ST6GALNAC3: variants seen among roughly 807,000 people sequenced by gnomAD.
ST6GALNAC3 encodes the protein ST6 N-acetylgalactosaminide alpha-2,6-sialyltransferase 3.
In ST6GALNAC3, 25 loss-of-function variants were observed where a neutral mutation model predicts 32.7. That is an observed-to-expected ratio of 0.76 (90% CI 0.56 to 1.07). The LOEUF is 1.07. Among genes scored for constraint, ST6GALNAC3 ranks in the 50% least tolerant of loss-of-function variants. The probability of loss-of-function intolerance (pLI) is 0.00; values close to 1 mark genes in which losing one functional copy is unlikely to be tolerated. For missense variants in ST6GALNAC3, 355 were observed against 382.4 expected (o/e 0.93, Z 0.60); for synonymous variants, 129 against 133.1 (o/e 0.97, Z 0.21).
intron 3 of ST6GALNAC3, among the ~76,000 whole-genome samples, chr1:76,445,706 C>A (rs185903261): frequency 5.9e-5 from 9 of 152,164 alleles, no homozygotes; most frequent in Admixed American, 3.9e-4. Context: ...ATCAAAATTT[C>A]TTTGATCTTC....
At chr1:76,115,531 T>C (rs527723691) in intron 1 of ST6GALNAC3, among the ~76,000 whole-genome samples, 4 of 152,346 alleles carry the variant, frequency 2.6e-5, no homozygotes, top group Admixed American at 1.3e-4. Context: ...GATTTTAGGT[T>C]AAAAAGAACC....
chr1:76,476,396 G>A (rs34480345), intron 3 of ST6GALNAC3, among the ~76,000 whole-genome samples: 6,207 of 152,204 alleles, frequency 0.041, 419 homozygotes, highest in African/African-American at 0.14. Context: ...ACTGTAGTTT[G>A]CTGACCCCTG....
At chr1:76,179,918 G>C (rs750064876) in intron 1 of ST6GALNAC3, among the ~76,000 whole-genome samples, 2 of 152,128 alleles carry the variant, frequency 1.3e-5, no homozygotes, top group African/African-American at 4.8e-5. Flanking sequence ...CCTTATTAGA[G>C]TCAGTTTCAG....
At chr1:76,225,605 A>G (rs549624246) in intron 1 of ST6GALNAC3, among the ~76,000 whole-genome samples, 5 of 152,308 alleles carry the variant, frequency 3.3e-5, no homozygotes, top group Admixed American at 6.5e-5. Context: ...CTAACCTGCC[A>G]TATGCTTCAC....
At chr1:76,452,321 C>A (rs1439631753) in intron 3 of ST6GALNAC3, among the ~76,000 whole-genome samples, 4 of 152,138 alleles carry the variant, frequency 2.6e-5, no homozygotes, top group Admixed American at 2.6e-4. Flanking sequence ...GTGAGGCCTC[C>A]CCAGTCATGC....
intron 1 of ST6GALNAC3, among the ~76,000 whole-genome samples, chr1:76,213,581 T>C (rs1284459067): frequency 2.6e-5 from 4 of 152,214 alleles, no homozygotes; most frequent in Non-Finnish European, 4.4e-5. Flanking sequence ...TTCTGTTCTA[T>C]TAAAAACAAA....
At chr1:76,366,287 C>G (rs1280533784) in intron 2 of ST6GALNAC3, among the ~76,000 whole-genome samples, 1 of 152,102 alleles carries the variant, frequency 6.6e-6, no homozygotes, top group Admixed American at 6.6e-5. Flanking sequence ...GAAACCTGAT[C>G]TGACAGACTC....
chr1:76,345,662 A>C (rs1187220931), intron 2 of ST6GALNAC3, among the ~76,000 whole-genome samples: 7 of 152,072 alleles, frequency 4.6e-5, no homozygotes, highest in Non-Finnish European at 8.8e-5. Flanking sequence ...ATTGAAGGCA[A>C]ATTTTGTCAT....
chr1:76,627,962 C>T (rs545791757), intron 4 of ST6GALNAC3, among the ~76,000 whole-genome samples: 28 of 152,004 alleles, frequency 1.8e-4, no homozygotes, highest in Non-Finnish European at 3.8e-4. Flanking sequence ...TGTCCTGCAG[C>T]CTCAGAGAAA....
chr1:76,447,646 AG>A (rs1166863185), intron 3 of ST6GALNAC3, among the ~76,000 whole-genome samples: 1 of 152,064 alleles, frequency 6.6e-6, no homozygotes, highest in Non-Finnish European at 1.5e-5. Flanking sequence ...CGTGTAGCCT[AG>A]GGACATGGTA....
intron 3 of ST6GALNAC3, among the ~76,000 whole-genome samples, chr1:76,504,070 A>C (rs1661333768): frequency 6.6e-6 from 1 of 152,174 alleles, no homozygotes; most frequent in South Asian, 2.1e-4. Context: ...GTGGCTTAAA[A>C]CAACAGAAAT....
intron 3 of ST6GALNAC3, among the ~76,000 whole-genome samples, chr1:76,445,453 C>T (rs1273679793): frequency 6.6e-6 from 1 of 152,094 alleles, no homozygotes; most frequent in African/African-American, 2.4e-5. Flanking sequence ...ACAAATACAT[C>T]ATGTTAAAAC....
At chr1:76,455,783 C>G (rs897459411) in intron 3 of ST6GALNAC3, among the ~76,000 whole-genome samples, 3 of 152,174 alleles carry the variant, frequency 2.0e-5, no homozygotes, top group Non-Finnish European at 2.9e-5. Flanking sequence ...ATCCTGGACT[C>G]TTAGTCTGAC....
At chr1:76,354,575 T>C (rs1649285820) in intron 2 of ST6GALNAC3, among the ~76,000 whole-genome samples, 1 of 152,242 alleles carries the variant, frequency 6.6e-6, no homozygotes, top group African/African-American at 2.4e-5. Context: ...TTTTGTTGAC[T>C]GATGGGTTGG....
At chr1:76,603,605 A>T (rs1249675065) in intron 3 of ST6GALNAC3, among the ~76,000 whole-genome samples, 1 of 152,142 alleles carries the variant, frequency 6.6e-6, no homozygotes, top group Non-Finnish European at 1.5e-5. Context: ...AATAACAGTT[A>T]CTCCTGCCAG....
At chr1:76,590,668 C>T (rs1046849909) in intron 3 of ST6GALNAC3, among the ~76,000 whole-genome samples, 1 of 152,138 alleles carries the variant, frequency 6.6e-6, no homozygotes, top group Non-Finnish European at 1.5e-5. Flanking sequence ...TAAAGCTGAA[C>T]TCATTTATTT....
At chr1:76,595,023 C>CA (rs1266191022) in intron 3 of ST6GALNAC3, among the ~76,000 whole-genome samples, 16 of 151,934 alleles carry the variant, frequency 1.1e-4, no homozygotes, top group South Asian at 8.3e-4. Context: ...CTTAGTTTTT[C>CA]AAAAAAAGGA....
intron 3 of ST6GALNAC3, among the ~76,000 whole-genome samples, chr1:76,415,627 T>C (rs1375905550): frequency 6.6e-6 from 1 of 152,096 alleles, no homozygotes; most frequent in Non-Finnish European, 1.5e-5. Context: ...GACATGCCCT[T>C]AGTAGTCTTT....
chr1:76,279,111 A>G (rs1007912253), intron 1 of ST6GALNAC3, among the ~76,000 whole-genome samples: 8 of 152,144 alleles, frequency 5.3e-5, no homozygotes, highest in Admixed American at 2.6e-4. Context: ...GATTTTGCAC[A>G]CCTGAGGAAA....
Sources: gnomAD v4.1 joint callset for allele counts (sites outside exome capture counted in the v4.1 genomes callset) on GRCh38, gnomAD v4.1.1 for gene constraint, MANE v1.5 for transcripts, NCBI Gene and HGNC (gene_info 2026-07-23, HGNC 2026-07-21) for gene names.